Variants in SIPA1L3 observed in about 807,000 individuals in gnomAD.
SIPA1L3 encodes signal-induced proliferation-associated 1-like protein 3.
Under a neutral mutation model 150.1 loss-of-function variants are expected in SIPA1L3, and 59 were observed. The observed-to-expected ratio is 0.39, with a 90% CI of 0.32 to 0.49. The LOEUF (loss-of-function observed/expected upper bound fraction) is 0.49. Among genes scored for constraint, SIPA1L3 ranks in the 20% least tolerant of loss-of-function variants. The pLI is 0.86. For synonymous variants in SIPA1L3, 1,070 were observed against 1,077.6 expected (o/e 0.99, Z 0.14); for missense variants, 2,211 against 2,489.5 (o/e 0.89, Z 2.38).
chr19:37,948,618 C>G (rs960980136), intron 1 of SIPA1L3, among the ~76,000 whole-genome samples: 2 of 152,188 alleles, frequency 1.3e-5, no homozygotes, highest in African/African-American at 4.8e-5. Context: ...TCGGGTATTT[C>G]CTGAGCACCT....
chr19:38,112,011 A>G (rs855629), intron 8 of SIPA1L3, among the ~76,000 whole-genome samples: 37,377 of 148,186 alleles, frequency 0.25, 6,703 homozygotes, highest in African/African-American at 0.52. Flanking sequence ...ACAGGCACAC[A>G]CATGCACACA....
intron 2 of SIPA1L3, among the ~76,000 whole-genome samples, chr19:38,040,010 G>T (rs1339959283): frequency 6.6e-6 from 1 of 152,148 alleles, no homozygotes; most frequent in Non-Finnish European, 1.5e-5. Flanking sequence ...CTACTTGGGA[G>T]GCTGAGGTGG....
chr19:38,072,842 C>T (rs1969753556), intron 2 of SIPA1L3, among the ~76,000 whole-genome samples: 1 of 152,272 alleles, frequency 6.6e-6, no homozygotes, highest in Admixed American at 6.5e-5. Context: ...CTGTGAGCTT[C>T]TGGCAGACAT....
intron 1 of SIPA1L3, among the ~76,000 whole-genome samples, chr19:38,006,166 C>G (rs1426831498): frequency 6.6e-6 from 1 of 151,812 alleles, no homozygotes; most frequent in Non-Finnish European, 1.5e-5. Context: ...GTTTGCTGGT[C>G]TAGGGGAGTG....
chr19:37,979,579 G>A (rs377378670), intron 1 of SIPA1L3, among the ~76,000 whole-genome samples: 10 of 151,566 alleles, frequency 6.6e-5, no homozygotes, highest in African/African-American at 2.4e-4. Flanking sequence ...AAAAATTTAG[G>A]TTTCACTGTC....
chr19:38,090,159 G>A (rs748370510), intron 4 of SIPA1L3, among the ~76,000 whole-genome samples: 5 of 151,932 alleles, frequency 3.3e-5, no homozygotes, highest in Non-Finnish European at 7.4e-5. Context: ...GTAAAACCCC[G>A]TCTCTACTAA....
intron 1 of SIPA1L3, among the ~76,000 whole-genome samples, chr19:37,974,270 C>T (rs905755828): frequency 3.3e-5 from 5 of 152,014 alleles, no homozygotes; most frequent in Non-Finnish European, 7.4e-5. Flanking sequence ...CCTGTAATCC[C>T]AACACTTTGG....
chr19:38,193,225 G>T (rs1972842112), intron 17 of SIPA1L3, among the ~76,000 whole-genome samples: 1 of 151,878 alleles, frequency 6.6e-6, no homozygotes, highest in South Asian at 2.1e-4. Context: ...TGCACCTGTG[G>T]TCCCAGCTAC....
At position 37,944,889 on chromosome 19, in the gene SIPA1L3, G is replaced by A. The variant is rs148007599; in HGVS notation, c.-379+37531G>A. Among the ~76,000 whole-genome samples the A allele has an allele frequency of 2.5e-3, 382 of 152,134 alleles. 3 individuals carry two copies. The highest frequency in any genetic ancestry group is 4.3e-3 in the Non-Finnish European group (289 of 67,984). On this transcript the variant is annotated intron_variant, in intron 1 of 21. Coordinates refer to ENST00000222345, the MANE Select transcript of SIPA1L3 (RefSeq NM_015073.3). ...CACTTGAGCCCTGGAGGCGGAGGTT[G>A]GAGTAAGCCGAGGTTGTTGCCACTG...
chr19:38,085,116 CAAAT>C (rs1970096997), intron 3 of SIPA1L3, among the ~76,000 whole-genome samples: 1 of 151,976 alleles, frequency 6.6e-6, no homozygotes. Context: ...GACTGTGTGA[CAAAT>C]GAAGATGATT....
intron 2 of SIPA1L3, among the ~76,000 whole-genome samples, chr19:38,078,063 C>T (rs1289104430): frequency 2.0e-5 from 3 of 152,156 alleles, no homozygotes; most frequent in East Asian, 1.9e-4. Flanking sequence ...TCCATACTCC[C>T]GCAAGCCTTG....
intron 1 of SIPA1L3, among the ~76,000 whole-genome samples, chr19:37,939,520 C>A (rs1048927645): frequency 1.3e-5 from 2 of 151,840 alleles, no homozygotes. Flanking sequence ...CCGTAATAGA[C>A]AGGCGAGCCT....
chr19:38,032,560 TG>T (rs1335947705), intron 2 of SIPA1L3, among the ~76,000 whole-genome samples: 1 of 152,154 alleles, frequency 6.6e-6, no homozygotes, highest in Non-Finnish European at 1.5e-5. Flanking sequence ...AATATAGGGC[TG>T]GGCATGGTGG....
In SIPA1L3 at chr19:38,081,817, C is replaced by A; in HGVS notation, c.252C>A (p.Ala84=). ...MPKMGVRARV[A]DWPPKREALR... is the part of the protein sequence containing the mutation. ...AGATGGGCGTGCGCGCAAGGGTGGC[C>A]GACTGGCCGCCCAAGCGGGAGGCCC... Residue 84 remains alanine (A), a synonymous_variant, in exon 3 of 22, where the codon GCC becomes GCA. Coordinates refer to ENST00000222345, the MANE Select transcript of SIPA1L3 (RefSeq NM_015073.3). 1 of 1,613,604 alleles carries A rather than the reference C, an allele frequency of 6.2e-7. No homozygotes were observed.
At position 37,909,315 on chromosome 19, in the gene SIPA1L3, C is replaced by T. The variant is rs1464427608; in HGVS notation, c.-379+1957C>T. ...CTCCGTCTCCCGGGTTCAAGCAATT[C>T]TCCTGCCTCAGCCTCCTGAGTAGCT... On this transcript the variant is annotated intron_variant, in intron 1 of 21. Transcript: ENST00000222345. Among the ~76,000 whole-genome samples, 4 of 152,126 alleles carry T rather than the reference C, an allele frequency of 2.6e-5. No individual in the cohort carries two copies. In the East Asian group the frequency reaches 7.7e-4, roughly 29 times the overall value.
intron 9 of SIPA1L3, among the ~76,000 whole-genome samples, chr19:38,129,262 G>A (rs1157387500): frequency 1.3e-5 from 2 of 152,134 alleles, no homozygotes; most frequent in East Asian, 1.9e-4. Context: ...CAGGCCCTGC[G>A]TGGTCCGATC....
intron 10 of SIPA1L3, among the ~76,000 whole-genome samples, chr19:38,140,568 C>A (rs781199433): frequency 6.6e-6 from 1 of 152,076 alleles, no homozygotes; most frequent in Non-Finnish European, 1.5e-5. Flanking sequence ...AGGACACTGG[C>A]GGCCTGGCAG....
In SIPA1L3 at chr19:38,198,479, C is replaced by T. The variant is rs1385633595; in HGVS notation, c.4931C>T (p.Thr1644Ile). 3 of 1,604,574 alleles carry T rather than the reference C, an allele frequency of 1.9e-6. No individual in the cohort carries two copies. Among genetic ancestry groups the T allele is most frequent in the South Asian group, 1.1e-5 (1 of 89,840 alleles). Reference sequence around the variant, plus strand: ...CCTGGGCTGATGCCCCTGCCTGACACAGCTGCTGGCCTCGAGTGGTCCAGC... The same window carrying T: ...CCTGGGCTGATGCCCCTGCCTGACATAGCTGCTGGCCTCGAGTGGTCCAGC... ...LDPGLMPLPD[T>I]AAGLEWSSLV... The change falls in exon 19 of 22, where the codon ACA (threonine) becomes ATA (isoleucine). Residue 1644 changes from threonine (T) to isoleucine (I), a missense_variant. Coordinates refer to ENST00000222345, the MANE Select transcript of SIPA1L3 (RefSeq NM_015073.3).
At chr19:38,112,209 AAACACATGCACAT>A (rs1479121367) in intron 8 of SIPA1L3, among the ~76,000 whole-genome samples, 3 of 150,962 alleles carry the variant, frequency 2.0e-5, no homozygotes, top group East Asian at 3.9e-4. Context: ...AGGCACGCAT[AAACACATGCACAT>A]AACACATGCA....
Sources: allele counts gnomAD v4.1 joint callset (sites outside exome capture counted in the v4.1 genomes callset), GRCh38; gene constraint gnomAD v4.1.1; transcripts MANE v1.5; gene names NCBI Gene and HGNC (gene_info 2026-07-23, HGNC 2026-07-21).